Variants in PIP4K2A observed in about 807,000 individuals in gnomAD.
PIP4K2A encodes the protein phosphatidylinositol 5-phosphate 4-kinase type-2 alpha.
In PIP4K2A, 14 loss-of-function variants were observed where a neutral mutation model predicts 42.9. The observed-to-expected ratio is 0.33, with a 90% confidence interval of 0.22 to 0.51. The LOEUF (loss-of-function observed/expected upper bound fraction) is 0.51. PIP4K2A is among the 20% of genes least tolerant of loss of function. PIP4K2A has a pLI of 0.97. For synonymous variants in PIP4K2A, 192 were observed against 192.2 expected (o/e 1.00, Z 0.01); for missense variants, 434 against 519.8 (o/e 0.83, Z 1.61).
chr10:22,672,519 C>A (rs183999209), intron 1 of PIP4K2A, among the ~76,000 whole-genome samples: 1 of 152,146 alleles, frequency 6.6e-6, no homozygotes, highest in South Asian at 2.1e-4. Context: ...CACAGGTGTA[C>A]TTGTGAATAT....
chr10:22,581,189 T>C (rs1837270155), intron 4 of PIP4K2A, among the ~76,000 whole-genome samples: 1 of 152,156 alleles, frequency 6.6e-6, no homozygotes, highest in Non-Finnish European at 1.5e-5. Context: ...GGCACAATGC[T>C]CACCTGTCAT....
chr10:22,574,707 A>C (rs1837071110), intron 4 of PIP4K2A, among the ~76,000 whole-genome samples: 1 of 152,124 alleles, frequency 6.6e-6, no homozygotes, highest in Non-Finnish European at 1.5e-5. Flanking sequence ...CTGAGCTATA[A>C]ATTTTAATCT....
Position 22,536,512 on chromosome 10 carries a change from C to G in PIP4K2A, c.*689G>C, listed in dbSNP as rs539236286. 1 of 174,842 alleles carries G rather than the reference C, an allele frequency of 5.7e-6. No individual in the cohort carries two copies. The highest frequency in any genetic ancestry group is 6.3e-5 in the Admixed American group (1 of 15,972). The allele number at this position is 174,842 out of a possible 1,614,324, so 10.8% of individuals were successfully genotyped here. A position where few individuals can be genotyped will look rare whatever the true frequency, so the allele number is the denominator to read the frequency against. On this transcript the variant is annotated 3_prime_UTR_variant, in exon 10 of 10. Coordinates refer to ENST00000376573, the MANE Select transcript of PIP4K2A (RefSeq NM_005028.5). ...GTCCTGACAAGGCTGGGGCCAGAAC[C>G]CTGAACCAGTACACACGGAGACGCC... is the stretch of plus-strand genomic sequence containing the variant.
At chr10:22,569,517 T>C (rs1315153009) in intron 5 of PIP4K2A, among the ~76,000 whole-genome samples, 3 of 152,228 alleles carry the variant, frequency 2.0e-5, no homozygotes, top group African/African-American at 2.4e-5. Context: ...CTTTACACAC[T>C]GATTTTTCAC....
intron 7 of PIP4K2A, among the ~76,000 whole-genome samples, chr10:22,549,853 A>G (rs1836356608): frequency 1.3e-5 from 1 of 77,694 alleles, no homozygotes; most frequent in African/African-American, 4.5e-5. Flanking sequence ...AAAAAAAAAA[A>G]AAAAAAAAAA....
chr10:22,670,894 C>A (rs1299830141), intron 1 of PIP4K2A, among the ~76,000 whole-genome samples: 1 of 152,056 alleles, frequency 6.6e-6, no homozygotes, highest in Non-Finnish European at 1.5e-5. Flanking sequence ...AATTTGATTG[C>A]AATTATAGTC....
At chr10:22,648,018 T>C (rs558229823) in intron 1 of PIP4K2A, among the ~76,000 whole-genome samples, 26 of 152,358 alleles carry the variant, frequency 1.7e-4, no homozygotes, top group African/African-American at 6.0e-4. Flanking sequence ...CCTGAATCCT[T>C]TCCTACGTCT....
intron 6 of PIP4K2A, among the ~76,000 whole-genome samples, chr10:22,562,419 G>A (rs1193891761): frequency 6.6e-6 from 1 of 152,166 alleles, no homozygotes; most frequent in East Asian, 1.9e-4. Flanking sequence ...CGTAGTGACA[G>A]GCGCTTGTAG....
intron 1 of PIP4K2A, among the ~76,000 whole-genome samples, chr10:22,626,452 TA>T (rs1369858011): frequency 2.0e-5 from 3 of 152,248 alleles, no homozygotes; most frequent in Admixed American, 6.5e-5. Flanking sequence ...ATTTCAAAGC[TA>T]TTGTATTCAG....
intron 1 of PIP4K2A, among the ~76,000 whole-genome samples, chr10:22,664,920 GA>G (rs1203115104): frequency 1.8e-4 from 28 of 151,916 alleles, no homozygotes; most frequent in African/African-American, 6.0e-4. Context: ...CCCACTCCAT[GA>G]AAAGTTTTAT....
chr10:22,546,900 A>G (rs142781618), intron 7 of PIP4K2A, among the ~76,000 whole-genome samples: 12 of 152,372 alleles, frequency 7.9e-5, no homozygotes, highest in African/African-American at 1.7e-4. Flanking sequence ...TTTTAAGAAC[A>G]TAAGATTTCA....
intron 6 of PIP4K2A, among the ~76,000 whole-genome samples, chr10:22,566,383 T>C (rs1182870924): frequency 6.6e-6 from 1 of 152,192 alleles, no homozygotes; most frequent in East Asian, 1.9e-4. Flanking sequence ...CTCCTGCTCT[T>C]GTTTGCTATT....
At chr10:22,626,725 C>T (rs1588672446) in intron 1 of PIP4K2A, among the ~76,000 whole-genome samples, 1 of 152,238 alleles carries the variant, frequency 6.6e-6, no homozygotes, top group South Asian at 2.1e-4. Context: ...TATAAAACAA[C>T]CATAAGCTCA....
In PIP4K2A at chr10:22,537,006, C is replaced by T; in HGVS notation, c.*195G>A. 1 of 451,154 alleles carries T rather than the reference C, an allele frequency of 2.2e-6. No homozygotes were observed. The highest frequency in any genetic ancestry group is 4.1e-6 in the Non-Finnish European group (1 of 244,826). The allele number at this position is 451,154 out of a possible 1,614,324, so 27.9% of individuals were successfully genotyped here. A position where few individuals can be genotyped will look rare whatever the true frequency, so the allele number is the denominator to read the frequency against. On this transcript the variant is annotated 3_prime_UTR_variant, in exon 10 of 10. Transcript: ENST00000376573. ...CACATATACACAAAGTCAGAAATAG[C>T]TAGAACGATGCTGGGAAAATCAGGT...
intron 1 of PIP4K2A, among the ~76,000 whole-genome samples, chr10:22,691,200 G>C (rs1050559903): frequency 6.6e-6 from 1 of 152,190 alleles, no homozygotes; most frequent in Non-Finnish European, 1.5e-5. Flanking sequence ...CTGCGATTCA[G>C]AACAGCCCAG....
chr10:22,640,985 T>G (rs756434332), intron 1 of PIP4K2A, among the ~76,000 whole-genome samples: 4 of 152,134 alleles, frequency 2.6e-5, no homozygotes, highest in Non-Finnish European at 5.9e-5. Flanking sequence ...CATATTCCAT[T>G]TTGAAAAAAA....
At chr10:22,585,987 G>A (rs996649003) in intron 4 of PIP4K2A, among the ~76,000 whole-genome samples, 3 of 152,088 alleles carry the variant, frequency 2.0e-5, no homozygotes, top group Non-Finnish European at 4.4e-5. Flanking sequence ...AAATTCAGTC[G>A]ATTTAAGATA....
chr10:22,613,970 T>C (rs1389006112), intron 1 of PIP4K2A, among the ~76,000 whole-genome samples: 1 of 152,132 alleles, frequency 6.6e-6, no homozygotes, highest in Non-Finnish European at 1.5e-5. Flanking sequence ...CCTTCACATG[T>C]AGTAAAATAC....
At chr10:22,693,324 T>G (rs1265386668) in intron 1 of PIP4K2A, among the ~76,000 whole-genome samples, 1 of 152,170 alleles carries the variant, frequency 6.6e-6, no homozygotes, top group Non-Finnish European at 1.5e-5. Context: ...ATTTTACCTA[T>G]GTATTCTTTG....
Sources: gnomAD v4.1 joint callset for allele counts (sites outside exome capture counted in the v4.1 genomes callset) on GRCh38, gnomAD v4.1.1 for gene constraint, MANE v1.5 for transcripts, NCBI Gene and HGNC (gene_info 2026-07-23, HGNC 2026-07-21) for gene names.